The following CSMD1 variants were observed in gnomAD, a reference collection of about 807,000 sequenced individuals.
The protein encoded by CSMD1 is CUB and Sushi multiple domains 1.
CSMD1 carries 213 observed loss-of-function variants against 417.5 expected under a neutral mutation model. The ratio of observed to expected loss-of-function variants is 0.51; its 90% CI spans 0.46 to 0.57. The LOEUF is 0.57. CSMD1 is among the 20% of genes least tolerant of loss of function. The pLI is 0.00. For missense variants in CSMD1, 6,923 were observed against 4,529.7 expected (o/e 1.53, Z -15.17); for synonymous variants, 2,862 against 1,736.8 (o/e 1.65, Z -16.11).
chr8:4,801,808 A>G (rs981721360), intron 1 of CSMD1, among the ~76,000 whole-genome samples: 1 of 152,230 alleles, frequency 6.6e-6, no homozygotes, highest in Non-Finnish European at 1.5e-5. Context: ...AAATGAATAC[A>G]GCTACTCTTT....
intron 2 of CSMD1, among the ~76,000 whole-genome samples, chr8:4,594,195 CTTTTTT>C (rs771415822): frequency 5.4e-4 from 50 of 92,374 alleles, no homozygotes; most frequent in African/African-American, 1.9e-3. Context: ...CTAAAGTGAT[CTTTTTT>C]TTTTTTTTTT....
chr8:3,083,284 T>C (rs1448242452), intron 49 of CSMD1, among the ~76,000 whole-genome samples: 1 of 151,910 alleles, frequency 6.6e-6, no homozygotes, highest in Non-Finnish European at 1.5e-5. Context: ...TCTCTGCTTG[T>C]AAATTAAAAT....
chr8:3,002,713 T>G (rs1369578991), intron 52 of CSMD1, among the ~76,000 whole-genome samples: 1 of 152,216 alleles, frequency 6.6e-6, no homozygotes, highest in Non-Finnish European at 1.5e-5. Flanking sequence ...GAAGTTGCAC[T>G]CTTCTTTGGG....
chr8:4,858,170 A>G (rs539599368), intron 1 of CSMD1, among the ~76,000 whole-genome samples: 2 of 149,688 alleles, frequency 1.3e-5, no homozygotes, highest in Non-Finnish European at 3.0e-5. Context: ...AAACCACATG[A>G]TTATCTCAAT....
At chr8:3,389,525 A>G (rs1811218896) in intron 17 of CSMD1, among the ~76,000 whole-genome samples, 2 of 152,232 alleles carry the variant, frequency 1.3e-5, no homozygotes, top group South Asian at 4.1e-4. Flanking sequence ...AGTTAACTAA[A>G]TAATTTCATT....
intron 3 of CSMD1, among the ~76,000 whole-genome samples, chr8:4,288,671 C>T (rs1015677732): frequency 6.6e-6 from 1 of 152,114 alleles, no homozygotes; most frequent in African/African-American, 2.4e-5. Context: ...AATTCCTTTT[C>T]AACATTTGTA....
intron 1 of CSMD1, among the ~76,000 whole-genome samples, chr8:4,691,673 T>C (rs1584950977): frequency 6.6e-6 from 1 of 152,240 alleles, no homozygotes; most frequent in Non-Finnish European, 1.5e-5. Flanking sequence ...AAGGAACATC[T>C]ACCTGCCTGC....
chr8:3,981,706 G>C (rs79683710), intron 5 of CSMD1, among the ~76,000 whole-genome samples: 4,209 of 152,016 alleles, frequency 0.028, 77 homozygotes, highest in South Asian at 0.049. Flanking sequence ...AGGCTCTTTT[G>C]TATTTGATTT....
At chr8:4,952,173 C>G (rs1446576701) in intron 1 of CSMD1, among the ~76,000 whole-genome samples, 1 of 151,806 alleles carries the variant, frequency 6.6e-6, no homozygotes, top group Non-Finnish European at 1.5e-5. Flanking sequence ...ACACACCTCT[C>G]CTACACAGGA....
At chr8:4,441,547 A>C (rs537501412) in intron 2 of CSMD1, among the ~76,000 whole-genome samples, 1 of 152,138 alleles carries the variant, frequency 6.6e-6, no homozygotes. Context: ...CAAAACATAG[A>C]AGCACATGAA....
chr8:4,360,170 T>G (rs1441261789), intron 3 of CSMD1, among the ~76,000 whole-genome samples: 2 of 152,136 alleles, frequency 1.3e-5, no homozygotes, highest in African/African-American at 4.8e-5. Flanking sequence ...CACGTGAGAG[T>G]GACTGTCACC....
Position 3,795,682 on chromosome 8 carries a change from C to G in CSMD1, c.819-41640G>C, listed in dbSNP as rs1444990066. On this transcript the variant is annotated intron_variant, in intron 5 of 69. Coordinates refer to ENST00000635120, the MANE Select transcript of CSMD1 (RefSeq NM_033225.6). ...ATCATAGATATAGATATATATCTATCATGTATAGATATAGATATATATCTA... is the reference window on the plus strand; with the variant it reads ...ATCATAGATATAGATATATATCTATGATGTATAGATATAGATATATATCTA... 5.1e-5 allele frequency among the ~76,000 whole-genome samples: 2 copies of G among 39,104 alleles called. 1 individual carries two copies. The highest frequency in any genetic ancestry group is 9.4e-5 in the Non-Finnish European group (2 of 21,312). The allele number at this position is 39,104 out of a possible 152,430, so 25.7% of individuals were successfully genotyped here.
chr8:4,795,514 G>C (rs1049410928), intron 1 of CSMD1, among the ~76,000 whole-genome samples: 1 of 151,460 alleles, frequency 6.6e-6, no homozygotes, highest in African/African-American at 2.4e-5. Flanking sequence ...TGCCCACCTC[G>C]GCCTTCCAAA....
chr8:3,248,827 C>T (rs914576644), intron 26 of CSMD1, among the ~76,000 whole-genome samples: 6 of 152,078 alleles, frequency 3.9e-5, no homozygotes, highest in Admixed American at 6.6e-5. Context: ...CTAAATTCTA[C>T]TTACTCTGTT....
intron 37 of CSMD1, among the ~76,000 whole-genome samples, chr8:3,167,291 G>GAAAAGAAAAAAAAAAAA (rs547453018): frequency 0.01 from 1,026 of 102,412 alleles, 2 homozygotes; most frequent in South Asian, 0.029. Flanking sequence ...CTTGGAAAAA[G>GAAAAGAAAAAAAAAAAA]AAAAAAAAAA....
intron 12 of CSMD1, among the ~76,000 whole-genome samples, chr8:3,413,276 T>G (rs980610742): frequency 5.3e-5 from 8 of 152,202 alleles, no homozygotes; most frequent in Non-Finnish European, 1.2e-4. Flanking sequence ...ATACTATTTT[T>G]AATATTAATT....
At chr8:3,005,911 G>A (rs1807848756) in intron 52 of CSMD1, among the ~76,000 whole-genome samples, 1 of 152,072 alleles carries the variant, frequency 6.6e-6, no homozygotes, top group Non-Finnish European at 1.5e-5. Context: ...AGTGTCGGAA[G>A]TTCTGGCCAG....
intron 1 of CSMD1, among the ~76,000 whole-genome samples, chr8:4,908,344 G>C (rs1314454723): frequency 6.6e-6 from 1 of 152,138 alleles, no homozygotes; most frequent in Non-Finnish European, 1.5e-5. Flanking sequence ...GATAATTTGG[G>C]ATTTATAATT....
chr8:3,559,641 C>A (rs1799384281), intron 10 of CSMD1, among the ~76,000 whole-genome samples: 1 of 152,114 alleles, frequency 6.6e-6, no homozygotes, highest in Non-Finnish European at 1.5e-5. Context: ...GAGATTAAAG[C>A]ATTTCAAGGT....
Sources: gnomAD v4.1 joint callset for allele counts (sites outside exome capture counted in the v4.1 genomes callset) on GRCh38, gnomAD v4.1.1 for gene constraint, MANE v1.5 for transcripts, NCBI Gene and HGNC (gene_info 2026-07-23, HGNC 2026-07-21) for gene names.